The following MEG3 variants were observed in gnomAD, a reference collection of about 807,000 sequenced individuals.
MEG3 encodes the protein maternally expressed 3.
intron 2 of MEG3, among the ~76,000 whole-genome samples, chr14:100,840,096 C>T (rs548283149): frequency 3.3e-5 from 5 of 152,292 alleles, no homozygotes; most frequent in African/African-American, 1.2e-4. Context: ...CGTGGGCCTC[C>T]CAACATGAGG....
At chr14:100,856,134 A>C (rs1397686988), upstream of MEG3, 1 of 152,188 alleles carries the variant, frequency 6.6e-6, no homozygotes, top group Non-Finnish European at 1.5e-5. Context: ...ATGATTGCTC[A>C]TGTGGGTGAT....
chr14:100,834,675 T>C (rs10132552), exon 1 of MEG3: 113,817 of 456,100 alleles, frequency 0.25, 15,196 homozygotes, highest in Admixed American at 0.36. Flanking sequence ...CAGCCCCGTG[T>C]CTCCTCAGGG....
At chr14:100,833,057 G>A (rs902993526), downstream of MEG3, 4 of 152,264 alleles carry the variant, frequency 2.6e-5, no homozygotes, top group Non-Finnish European at 5.9e-5. Context: ...TGACTACAAT[G>A]TGAATACTCA....
At chr14:100,843,394 TCGGAGGGAGGGTGGGAAACGGTCTCG>T (rs2037816689) in intron 2 of MEG3, among the ~76,000 whole-genome samples, 1 of 151,852 alleles carries the variant, frequency 6.6e-6, no homozygotes, top group South Asian at 2.1e-4. Context: ...ACGCACAGTC[TCGGAGGGAGGGTGGGAAACGGTCTCG>T]AGTGGTGGTC....
chr14:100,841,734 G>C (rs866726700), intron 2 of MEG3, among the ~76,000 whole-genome samples: 2 of 152,230 alleles, frequency 1.3e-5, no homozygotes, highest in East Asian at 3.8e-4. Context: ...TGCAGGGATC[G>C]TGTTTTATGG....
In MEG3 at chr14:100,845,474, G is replaced by C. The variant is rs745392113; in HGVS notation, n.3062G>C. 2.2e-6 allele frequency: 1 copy of C among 456,718 alleles called. No individual in the cohort carries two copies. Among genetic ancestry groups the C allele is most frequent in the Non-Finnish European group, 4.4e-6 (1 of 227,012 alleles). 28.3% of individuals were successfully genotyped at this position (456,718 alleles called of 1,614,324 possible). ...TTGTTACAGCGGAAGCCATCACCTG[G>C]ATGCCTACGTGGGAAGGGACCTCGA... On this transcript the variant is annotated non_coding_transcript_exon_variant, in exon 3 of 4. Transcript: ENST00000398461. The surrounding 1 kb of genome is among the most constrained non-coding windows in gnomAD (Gnocchi z 5.2).
At chr14:100,851,301 C>T (rs1196878247) in intron 3 of MEG3, 1 of 152,454 alleles carries the variant, frequency 6.6e-6, no homozygotes, top group Non-Finnish European at 1.5e-5. Flanking sequence ...GGGTCACCTG[C>T]ACAGGAGGTT....
exon 2 of MEG3, chr14:100,860,946 C>T (rs1303869920): frequency 2.1e-5 from 7 of 326,144 alleles, no homozygotes; most frequent in East Asian, 9.5e-5. Context: ...TTGTGAGGGG[C>T]GCTGTGATGC....
At chr14:100,831,839 T>C (rs115573531), downstream of MEG3, 17 of 152,198 alleles carry the variant, frequency 1.1e-4, no homozygotes, top group Non-Finnish European at 2.4e-4. Flanking sequence ...AGGTAAACTT[T>C]TCCAAGCCAG....
exon 1 of MEG3, chr14:100,858,043 C>T (rs1198724387): frequency 6.6e-6 from 1 of 152,170 alleles, no homozygotes; most frequent in East Asian, 1.9e-4. Flanking sequence ...GGGTGTGGGC[C>T]CATTTCCTAG....
At chr14:100,848,121 T>C (rs576265941) in intron 3 of MEG3, 1 of 151,188 alleles carries the variant, frequency 6.6e-6, no homozygotes, top group East Asian at 2.0e-4. Context: ...TGGGAAGAAA[T>C]GTAAAAAGGA....
chr14:100,834,806 G>A lies in MEG3; in HGVS notation n.1838G>A, dbSNP rs553988905. 33 of 456,738 alleles carry A rather than the reference G, an allele frequency of 7.2e-5. 1 individual carries two copies. Among genetic ancestry groups the A allele is most frequent in the Admixed American group, 4.0e-4 (17 of 42,580 alleles). The allele number at this position is 456,738 out of a possible 1,614,324, so 28.3% of individuals were successfully genotyped here. ...AGCTGAGCCACTAGCTGGGCCATGC[G>A]AAGAGTTCTAGGTGCAAAGGCTGGA... On this transcript the variant is annotated non_coding_transcript_exon_variant, in exon 1 of 4. Coordinates refer to the MEG3 transcript ENST00000398461.
At chr14:100,843,314 C>T (rs1430408303) in intron 2 of MEG3, among the ~76,000 whole-genome samples, 2 of 152,134 alleles carry the variant, frequency 1.3e-5, no homozygotes, top group African/African-American at 4.8e-5. Context: ...CCTTTGGTCG[C>T]GCTGTGTGTT....
upstream of MEG3, chr14:100,854,444 G>A (rs1304125604): frequency 1.3e-5 from 2 of 152,200 alleles, no homozygotes; most frequent in Admixed American, 6.5e-5. Flanking sequence ...GTGTTTAGGA[G>A]ATTCTCATGG....
downstream of MEG3, chr14:100,833,407 C>T (rs962525927): frequency 4.6e-5 from 7 of 152,162 alleles, no homozygotes; most frequent in African/African-American, 1.7e-4. Flanking sequence ...TTACAGGCGC[C>T]CACCACCACA....
In MEG3 at chr14:100,837,645, G is replaced by C. The variant is rs1248195392; in HGVS notation, n.3045+1345G>C. Among the ~76,000 whole-genome samples, 6 of 152,112 alleles carry C rather than the reference G, an allele frequency of 3.9e-5. No homozygotes were observed. The highest frequency in any genetic ancestry group is 3.9e-4 in the Admixed American group (6 of 15,282). On this transcript the variant is annotated intron_variant and non_coding_transcript_variant, in intron 2 of 3. Transcript: ENST00000398461. The surrounding 1 kb of genome is among the most constrained non-coding windows in gnomAD (Gnocchi z 5.8). ...CAGCCATGTGCACGCATCAGCCCTT[G>C]TGCAGGCCTCCGCCCTCCGCCACCC... is the stretch of plus-strand genomic sequence containing the variant.
chr14:100,834,880 C>A, exon 1 of MEG3: 1 of 447,046 alleles, frequency 2.2e-6, no homozygotes, highest in Non-Finnish European at 4.5e-6. Flanking sequence ...CGACCCCTGC[C>A]CCATTTGAAC....
At chr14:100,843,313 G>A (rs1053347800) in intron 2 of MEG3, among the ~76,000 whole-genome samples, 7 of 152,206 alleles carry the variant, frequency 4.6e-5, no homozygotes, top group African/African-American at 1.2e-4. Context: ...GCCTTTGGTC[G>A]CGCTGTGTGT....
rs1226370021 is a variant in MEG3, at chr14:100,839,162, C to T, written n.3045+2862C>T. On this transcript the variant is annotated intron_variant and non_coding_transcript_variant, in intron 2 of 3. Coordinates refer to the MEG3 transcript ENST00000398461. ...TTCCTTGCAAAGAGGAAGGGAGCTT[C>T]CTACAGAAGGGGGTGTGGAGGGAGA... Among the ~76,000 whole-genome samples, 17 of 152,254 alleles carry T rather than the reference C, an allele frequency of 1.1e-4. No homozygotes were observed. The East Asian group carries it at 3.3e-3, about 29-fold the overall frequency.
Sources: gnomAD v4.1 joint callset for allele counts (sites outside exome capture counted in the v4.1 genomes callset) on GRCh38, gnomAD v4.1.1 for gene constraint, Gnocchi (gnomAD v3.1) non-coding constraint, MANE v1.5 for transcripts, NCBI Gene and HGNC (gene_info 2026-07-23, HGNC 2026-07-21) for gene names.